The following PTPRD variants were observed in gnomAD, a reference collection of about 807,000 sequenced individuals.
PTPRD encodes receptor-type tyrosine-protein phosphatase delta.
Under a neutral mutation model 214.5 loss-of-function variants are expected in PTPRD, and 34 were observed. The observed-to-expected ratio is 0.16, with a 90% CI of 0.12 to 0.21. PTPRD has a LOEUF of 0.21. PTPRD is among the 10% of genes least tolerant of loss of function. The pLI, the probability that PTPRD is intolerant of heterozygous loss-of-function variation, is 1.00. For synonymous variants in PTPRD, 1,128 were observed against 845.7 expected (o/e 1.33, Z -5.79); for missense variants, 2,545 against 2,398.7 (o/e 1.06, Z -1.27).
intron 5 of PTPRD, among the ~76,000 whole-genome samples, chr9:9,906,003 A>C (rs2077479522): frequency 6.6e-6 from 1 of 151,960 alleles, no homozygotes; most frequent in South Asian, 2.1e-4. Context: ...AGGCAATAGA[A>C]GTCTTTGTAA....
At chr9:8,441,098 T>C (rs2095532315) in intron 34 of PTPRD, among the ~76,000 whole-genome samples, 1 of 152,122 alleles carries the variant, frequency 6.6e-6, no homozygotes, top group Admixed American at 6.5e-5. Context: ...GGGCTAAGTA[T>C]CATATAGTCA....
chr9:8,719,460 C>T (rs1188498724), intron 12 of PTPRD, among the ~76,000 whole-genome samples: 1 of 152,214 alleles, frequency 6.6e-6, no homozygotes, highest in Non-Finnish European at 1.5e-5. Context: ...CTTTAACTAA[C>T]TTCATCAGGT....
intron 2 of PTPRD, among the ~76,000 whole-genome samples, chr9:10,563,024 G>A (rs1276044092): frequency 6.6e-6 from 1 of 152,004 alleles, no homozygotes. Flanking sequence ...AAGGAAGTGA[G>A]GCTACTACAG....
chr9:10,494,671 G>T (rs1170785090), intron 2 of PTPRD, among the ~76,000 whole-genome samples: 1 of 148,450 alleles, frequency 6.7e-6, no homozygotes, highest in African/African-American at 2.5e-5. Flanking sequence ...ACAGGTAATT[G>T]TAAAACTTAA....
Position 10,612,052 on chromosome 9 carries a change from C to T in PTPRD, c.-600+346G>A, listed in dbSNP as rs78691430. ...AGTGAGCCAGTAGGGTTAGATTTTTCAAGCTTTTTCTAGATAACCACCCTT... is the reference window on the plus strand; with the variant it reads ...AGTGAGCCAGTAGGGTTAGATTTTTTAAGCTTTTTCTAGATAACCACCCTT... On this transcript the variant is annotated intron_variant, in intron 2 of 45. Transcript: ENST00000381196. Among the ~76,000 whole-genome samples the T allele has an allele frequency of 5.0e-3, 761 of 151,862 alleles. 3 individuals carry two copies. The highest frequency in any genetic ancestry group is 9.1e-3 in the Non-Finnish European group (617 of 67,956).
At position 8,341,993 on chromosome 9, in the gene PTPRD, G is replaced by A; in HGVS notation, c.4662-15C>T. 1 of 1,576,410 alleles carries A rather than the reference G, an allele frequency of 6.3e-7. No homozygotes were observed. Among genetic ancestry groups the A allele is most frequent in the East Asian group, 2.3e-5 (1 of 44,324 alleles). ...CAACTCCCGCACTATGAGGAAAATA[G>A]AGAAGAAAAGCCCAAATAAACCTAT... On this transcript the variant is annotated splice_polypyrimidine_tract_variant and intron_variant, in intron 39 of 45. Coordinates refer to ENST00000381196, the MANE Select transcript of PTPRD (RefSeq NM_002839.4).
chr9:9,962,826 A>G, intron 4 of PTPRD, among the ~76,000 whole-genome samples: 1 of 152,058 alleles, frequency 6.6e-6, no homozygotes, highest in East Asian at 1.9e-4. Flanking sequence ...TTCAATAAAG[A>G]CTGTTCCCAA....
chr9:9,850,778 T>A (rs2060411597), intron 5 of PTPRD, among the ~76,000 whole-genome samples: 1 of 152,150 alleles, frequency 6.6e-6, no homozygotes, highest in African/African-American at 2.4e-5. Context: ...TTTGAATTTA[T>A]ACCTTCTAAC....
intron 7 of PTPRD, among the ~76,000 whole-genome samples, chr9:9,623,555 C>T (rs1337582829): frequency 6.6e-6 from 1 of 152,090 alleles, no homozygotes. Context: ...TCTAGTAACA[C>T]CTTTGATTAT....
At chr9:8,821,384 T>A (rs182904422) in intron 11 of PTPRD, among the ~76,000 whole-genome samples, 3 of 152,126 alleles carry the variant, frequency 2.0e-5, no homozygotes, top group African/African-American at 7.2e-5. Flanking sequence ...GTGGGTGCCA[T>A]AGTCTACCCC....
In PTPRD at chr9:9,519,409, T is replaced by A. The variant is rs900655678; in HGVS notation, c.-237+55323A>T. Among the ~76,000 whole-genome samples, 9 of 151,894 alleles carry A rather than the reference T, an allele frequency of 5.9e-5. No individual in the cohort carries two copies. In the East Asian group the frequency reaches 1.5e-3, roughly 26 times the overall value. ...AAAGAATCAACAGTTACAGGTTGAT[T>A]CTTAGAAATGACTAATACAACTAAG... is the stretch of plus-strand genomic sequence containing the variant. On this transcript the variant is annotated intron_variant, in intron 8 of 45. Coordinates refer to ENST00000381196, the MANE Select transcript of PTPRD (RefSeq NM_002839.4).
Position 10,408,550 on chromosome 9 carries a change from T to C in PTPRD, c.-599-67533A>G, listed in dbSNP as rs984308153. 4.0e-5 allele frequency among the ~76,000 whole-genome samples: 6 copies of C among 151,688 alleles called. 1 individual carries two copies. The highest frequency in any genetic ancestry group is 1.4e-4 in the African/African-American group (6 of 41,382). ...ATTTTTTAGGCTGATTTGTATTTTATCACCCCTGCTTAATCTAATGTGGAC... is the reference window on the plus strand; with the variant it reads ...ATTTTTTAGGCTGATTTGTATTTTACCACCCCTGCTTAATCTAATGTGGAC... On this transcript the variant is annotated intron_variant, in intron 2 of 45. Coordinates refer to ENST00000381196, the MANE Select transcript of PTPRD (RefSeq NM_002839.4).
intron 8 of PTPRD, among the ~76,000 whole-genome samples, chr9:9,527,092 T>C (rs1188889044): frequency 6.6e-5 from 10 of 152,200 alleles, no homozygotes; most frequent in Non-Finnish European, 1.2e-4. Flanking sequence ...TTGTATCAAA[T>C]TCAATCATTT....
intron 5 of PTPRD, among the ~76,000 whole-genome samples, chr9:9,840,751 G>C (rs996633401): frequency 4.4e-5 from 4 of 90,958 alleles, no homozygotes; most frequent in African/African-American, 2.0e-4. Context: ...GACAGAGCAA[G>C]ACTCCGTTTC....
chr9:10,306,448 A>T (rs375768038), intron 3 of PTPRD, among the ~76,000 whole-genome samples: 3 of 152,154 alleles, frequency 2.0e-5, no homozygotes, highest in East Asian at 3.9e-4. Flanking sequence ...TAAAATTCTA[A>T]TGGGAAAAAT....
intron 9 of PTPRD, among the ~76,000 whole-genome samples, chr9:9,370,772 T>G (rs1253201371): frequency 1.3e-5 from 2 of 150,812 alleles, no homozygotes; most frequent in Non-Finnish European, 2.9e-5. Context: ...TCTTATTATT[T>G]TGAGATACGT....
At chr9:10,589,457 A>C (rs569859926) in intron 2 of PTPRD, among the ~76,000 whole-genome samples, 3 of 152,224 alleles carry the variant, frequency 2.0e-5, no homozygotes, top group African/African-American at 7.2e-5. Flanking sequence ...AAAGGAGCTT[A>C]TAAGTAAAAC....
At chr9:9,767,019 T>G (rs1347707608) in intron 5 of PTPRD, among the ~76,000 whole-genome samples, 168 bp from the exon 6 acceptor site, 1 of 151,814 alleles carries the variant, frequency 6.6e-6, no homozygotes, top group African/African-American at 2.4e-5. Flanking sequence ...TTTTTTTAAT[T>G]AAAGCACATT....
intron 11 of PTPRD, among the ~76,000 whole-genome samples, chr9:8,829,878 A>G (rs1429006218): frequency 1.3e-5 from 2 of 152,206 alleles, no homozygotes; most frequent in Admixed American, 6.5e-5. Context: ...TCAGAAAACT[A>G]GTATGAAGAT....
Sources: gnomAD v4.1 joint callset for allele counts (sites outside exome capture counted in the v4.1 genomes callset) on GRCh38, gnomAD v4.1.1 for gene constraint, MANE v1.5 for transcripts, NCBI Gene and HGNC (gene_info 2026-07-23, HGNC 2026-07-21) for gene names.